SYT1: variants seen among roughly 807,000 people sequenced by gnomAD.
The protein encoded by SYT1 is synaptotagmin 1.
A neutral mutation model predicts 44.8 loss-of-function variants in SYT1; 8 were observed. That is an observed-to-expected ratio of 0.18 (90% CI 0.10 to 0.32). The LOEUF (loss-of-function observed/expected upper bound fraction) is 0.32, where lower values mean the gene tolerates loss of function less well. Ranked by LOEUF, SYT1 falls within the 10% of genes least tolerant of loss-of-function variation. The probability of loss-of-function intolerance (pLI) is 1.00; values close to 1 mark genes in which losing one functional copy is unlikely to be tolerated. For missense variants in SYT1, 286 were observed against 509.3 expected, an observed-to-expected ratio of 0.56 and a Z score of 4.22; for synonymous variants, 154 against 188.8, an observed-to-expected ratio of 0.82 and a Z score of 1.51.
Position 79,212,138 on chromosome 12 carries a change from A to G in SYT1, c.-17-5365A>G, listed in dbSNP as rs544928323. Among the ~76,000 whole-genome samples, 8 of 152,292 alleles carry G rather than the reference A, an allele frequency of 5.3e-5. No homozygotes were observed. The South Asian group carries it at 1.7e-3, about 32-fold the overall frequency. On this transcript the variant is annotated intron_variant, in intron 3 of 10. Transcript: ENST00000261205. The stretch of plus-strand genomic sequence containing the variant: ...AATACCCATCAATGATAGAGTGGAT[A>G]AAGAAAATGTGGCACATATACACCA...
At chr12:79,087,454 T>C (rs1189227855) in intron 3 of SYT1, among the ~76,000 whole-genome samples, 2 of 152,166 alleles carry the variant, frequency 1.3e-5, no homozygotes, top group African/African-American at 4.8e-5. Flanking sequence ...AGTCACAATT[T>C]GTGTTGCTGT....
intron 4 of SYT1, among the ~76,000 whole-genome samples, chr12:79,265,172 T>C (rs1198603376): frequency 6.6e-6 from 1 of 152,192 alleles, no homozygotes; most frequent in East Asian, 1.9e-4. Context: ...CTAAGTACTT[T>C]ACATATTATA....
intron 2 of SYT1, among the ~76,000 whole-genome samples, chr12:78,998,731 T>C (rs926006855): frequency 6.6e-6 from 1 of 152,184 alleles, no homozygotes; most frequent in Non-Finnish European, 1.5e-5. Flanking sequence ...TCTGGTTACT[T>C]TCTCTGCAAA....
chr12:78,888,856 G>A (rs573568313), intron 1 of SYT1, among the ~76,000 whole-genome samples: 5 of 151,932 alleles, frequency 3.3e-5, no homozygotes, highest in African/African-American at 4.8e-5. Context: ...TCTTTAAGGC[G>A]TCTGGTATTC....
chr12:79,079,018 A>C (rs1876852133), intron 3 of SYT1, among the ~76,000 whole-genome samples: 1 of 152,140 alleles, frequency 6.6e-6, no homozygotes, highest in Non-Finnish European at 1.5e-5. Context: ...TCCACCTAAA[A>C]ATTCTGTTCT....
chr12:79,385,708 GT>G (rs1884409128), intron 9 of SYT1, among the ~76,000 whole-genome samples: 3 of 149,094 alleles, frequency 2.0e-5, no homozygotes, highest in African/African-American at 7.3e-5. Flanking sequence ...TCAACCAACT[GT>G]GGTTATACAA....
At chr12:79,263,535 G>T (rs532347627) in intron 4 of SYT1, among the ~76,000 whole-genome samples, 1 of 151,916 alleles carries the variant, frequency 6.6e-6, no homozygotes, top group East Asian at 1.9e-4. Flanking sequence ...AAAAAATTTT[G>T]ATTTAAGAAG....
chr12:79,222,376 AC>A (rs1192955661), intron 4 of SYT1, among the ~76,000 whole-genome samples: 4 of 78,866 alleles, frequency 5.1e-5, no homozygotes, highest in Admixed American at 2.7e-4. Flanking sequence ...TTATTTATTT[AC>A]TTTTTTTTTC....
At chr12:79,037,099 C>T (rs1873184971) in intron 2 of SYT1, among the ~76,000 whole-genome samples, 1 of 151,652 alleles carries the variant, frequency 6.6e-6, no homozygotes, top group South Asian at 2.1e-4. Flanking sequence ...CCAACCAAAG[C>T]CCCCCCAGGT....
intron 1 of SYT1, chr12:78,964,078 A>G (rs1879649928): frequency 6.6e-6 from 1 of 152,168 alleles, no homozygotes. Flanking sequence ...CTCCTATAAC[A>G]CTTTCCCATC....
intron 3 of SYT1, among the ~76,000 whole-genome samples, chr12:79,137,539 A>G (rs1341573951): frequency 6.6e-6 from 1 of 152,220 alleles, no homozygotes; most frequent in Non-Finnish European, 1.5e-5. Flanking sequence ...CATAAATTAG[A>G]AGAGACAAAT....
intron 8 of SYT1, among the ~76,000 whole-genome samples, chr12:79,349,595 G>A (rs545504053): frequency 1.1e-4 from 16 of 152,184 alleles, no homozygotes; most frequent in Non-Finnish European, 2.1e-4. Flanking sequence ...ACAGTACCTC[G>A]TTCACAGGGC....
At chr12:79,209,492 C>T (rs1489335162) in intron 3 of SYT1, among the ~76,000 whole-genome samples, 1 of 152,200 alleles carries the variant, frequency 6.6e-6, no homozygotes, top group Non-Finnish European at 1.5e-5. Context: ...GCCATTACAA[C>T]AGGCTTTAGC....
chr12:79,203,709 C>T (rs180739898), intron 3 of SYT1, among the ~76,000 whole-genome samples: 4 of 152,180 alleles, frequency 2.6e-5, no homozygotes, highest in African/African-American at 7.2e-5. Context: ...GTTAGGTAAA[C>T]GGCCAACAAT....
intron 2 of SYT1, among the ~76,000 whole-genome samples, chr12:79,031,536 C>T (rs928682723): frequency 1.3e-5 from 2 of 150,952 alleles, no homozygotes; most frequent in African/African-American, 4.8e-5. Context: ...GCTTGAATAT[C>T]CCTAAATCAC....
At chr12:78,934,445 G>A (rs1239904347) in intron 1 of SYT1, among the ~76,000 whole-genome samples, 5 of 152,120 alleles carry the variant, frequency 3.3e-5, no homozygotes, top group Non-Finnish European at 5.9e-5. Flanking sequence ...GCTGAGATGG[G>A]AGGATCACCT....
chr12:79,329,486 T>G (rs1015458548), intron 8 of SYT1, among the ~76,000 whole-genome samples: 1 of 152,238 alleles, frequency 6.6e-6, no homozygotes, highest in Non-Finnish European at 1.5e-5. Context: ...TAATTACCTA[T>G]GGATGGGAAT....
chr12:78,917,723 T>G (rs1254085086), intron 1 of SYT1, among the ~76,000 whole-genome samples: 4 of 152,018 alleles, frequency 2.6e-5, no homozygotes, highest in Non-Finnish European at 5.9e-5. Flanking sequence ...CTAATGAGAT[T>G]AGCTTTGAAG....
At chr12:79,381,144 C>T (rs963623717) in intron 9 of SYT1, among the ~76,000 whole-genome samples, 2 of 152,276 alleles carry the variant, frequency 1.3e-5, no homozygotes, top group Non-Finnish European at 2.9e-5. Context: ...TTCCTTGAAA[C>T]ATTGGCAACG....
Sources: allele counts gnomAD v4.1 joint callset (sites outside exome capture counted in the v4.1 genomes callset), GRCh38; gene constraint gnomAD v4.1.1; transcripts MANE v1.5; gene names NCBI Gene and HGNC (gene_info 2026-07-23, HGNC 2026-07-21).